The following PUM2 variants were observed in gnomAD, a reference collection of about 807,000 sequenced individuals.
PUM2 encodes pumilio RNA binding family member 2.
In PUM2, 57 loss-of-function variants were observed where a neutral mutation model predicts 124.5. The ratio of observed to expected loss-of-function variants is 0.46; its 90% confidence interval spans 0.37 to 0.57. PUM2 has a LOEUF of 0.57. Among genes scored for constraint, PUM2 ranks in the 20% least tolerant of loss-of-function variants. The pLI is 0.00. For synonymous variants in PUM2, 460 were observed against 446.1 expected (o/e 1.03, Z -0.39); for missense variants, 1,065 against 1,290.6 (o/e 0.83, Z 2.68).
At chr2:20,327,769 AAATTCCTTTAAG>A (rs1264293226) in intron 1 of PUM2, among the ~76,000 whole-genome samples, 1 of 152,178 alleles carries the variant, frequency 6.6e-6, no homozygotes, top group East Asian at 1.9e-4. Context: ...TAGGGTCCTT[AAATTCCTTTAAG>A]AATCCAGCCT....
intron 13 of PUM2, among the ~76,000 whole-genome samples, chr2:20,276,258 CTTT>C (rs36031998): frequency 2.1e-5 from 3 of 143,244 alleles, no homozygotes; most frequent in Admixed American, 7.0e-5. Context: ...AAAATGAAAA[CTTT>C]TTTTTTTTTT....
rs200833816 is a variant in PUM2, at chr2:20,339,777, G to A, written c.-19+10820C>T. 5.3e-5 allele frequency among the ~76,000 whole-genome samples: 8 copies of A among 152,314 alleles called. No individual in the cohort carries two copies. In the East Asian group the frequency reaches 1.5e-3, roughly 29 times the overall value. On this transcript the variant is annotated intron_variant, in intron 1 of 20. Coordinates refer to ENST00000361078, the MANE Select transcript of PUM2 (RefSeq NM_015317.5). ...CGCCTGTAATCCCATCCTCTTGGGAGGCTGAAGCAGGAGAATCACTTGAAC... is the reference window on the plus strand; with the variant it reads ...CGCCTGTAATCCCATCCTCTTGGGAAGCTGAAGCAGGAGAATCACTTGAAC...
chr2:20,339,990 TAA>T (rs370989174), intron 1 of PUM2, among the ~76,000 whole-genome samples: 1 of 145,078 alleles, frequency 6.9e-6, no homozygotes. Flanking sequence ...TTCCTCAATG[TAA>T]AAAAAAAAAC....
chr2:20,278,066 AAAG>A (rs1469570159), intron 13 of PUM2, among the ~76,000 whole-genome samples: 1 of 152,192 alleles, frequency 6.6e-6, no homozygotes, highest in African/African-American at 2.4e-5. Context: ...CATATCCAAA[AAAG>A]AAGTATATGG....
intron 2 of PUM2, among the ~76,000 whole-genome samples, chr2:20,326,984 T>C (rs1192541822): frequency 6.6e-6 from 1 of 152,050 alleles, no homozygotes; most frequent in East Asian, 1.9e-4. Context: ...AAACACAGCA[T>C]ACATATATAA....
At position 20,313,740 on chromosome 2, in the gene PUM2, G is replaced by C. The variant is rs139988378; in HGVS notation, c.161-1317C>G. 6.2e-3 allele frequency among the ~76,000 whole-genome samples: 938 copies of C among 151,424 alleles called. 12 individuals carry two copies. The highest frequency in any genetic ancestry group is 0.021 in the African/African-American group (876 of 41,226). On this transcript the variant is annotated intron_variant, in intron 3 of 20. Coordinates refer to ENST00000361078, the MANE Select transcript of PUM2 (RefSeq NM_015317.5). ...AGCTACTCAGGAGGTGAGAGCTGAG[G>C]GGGGAAGATTACTTGAACTCAGGAG...
chr2:20,327,412 G>T (rs747990376), intron 1 of PUM2, 34 bp from the exon 2 acceptor site: 51 of 1,336,150 alleles, frequency 3.8e-5, no homozygotes, highest in Middle Eastern at 3.7e-4. Context: ...TTAGTACAAA[G>T]AAATGTTTAA....
At position 20,253,079 on chromosome 2, in the gene PUM2, T is replaced by C. The variant is rs184357127; in HGVS notation, c.3063+743A>G. On this transcript the variant is annotated intron_variant, in intron 20 of 20. Transcript: ENST00000361078. The stretch of plus-strand genomic sequence containing the variant: ...GAATTTTGGCACAGGAGTGGGTGGG[T>C]CCTGCAACCAATCCCCCAGTTACTG... Among the ~76,000 whole-genome samples the C allele has an allele frequency of 1.1e-3, 167 of 152,282 alleles. No individual in the cohort carries two copies. In the Middle Eastern group the frequency reaches 0.02, roughly 19 times the overall value.
chr2:20,301,266 T>G (rs888818280), intron 7 of PUM2, among the ~76,000 whole-genome samples: 7 of 152,238 alleles, frequency 4.6e-5, no homozygotes, highest in Non-Finnish European at 1.0e-4. Flanking sequence ...ATCTTTTGGT[T>G]TGCAACTTCA....
In PUM2 at chr2:20,254,991, C is replaced by CA. The variant is rs750907482; in HGVS notation, c.2749-8dup. ...CATAATTGCCATACTGATCCTAAGA[C>CA]AGATATTTAAAAATTACTTTCCCTA... On this transcript the variant is annotated splice_polypyrimidine_tract_variant and splice_region_variant and intron_variant, in intron 18 of 20. Coordinates refer to ENST00000361078, the MANE Select transcript of PUM2 (RefSeq NM_015317.5). The CA allele has an allele frequency of 2.6e-5, 41 of 1,603,484 alleles. No individual in the cohort carries two copies. Among genetic ancestry groups the CA allele is most frequent in the Non-Finnish European group, 3.5e-5 (41 of 1,176,158 alleles).
upstream of PUM2, among the ~76,000 whole-genome samples, chr2:20,351,245 CCGTGGGGT>C (rs535676258): frequency 2.0e-5 from 3 of 152,394 alleles, no homozygotes; most frequent in African/African-American, 7.2e-5. Flanking sequence ...GCGCCGCCCA[CCGTGGGGT>C]ACTCCTGGCA....
intron 5 of PUM2, 103 bp from the exon 6 acceptor site, chr2:20,308,687 A>C: frequency 8.6e-7 from 1 of 1,158,854 alleles, no homozygotes; most frequent in Non-Finnish European, 1.2e-6. Flanking sequence ...ATAAAACACA[A>C]TGAATAAGGC....
intron 12 of PUM2, among the ~76,000 whole-genome samples, chr2:20,281,257 T>C (rs1671452252): frequency 1.3e-5 from 2 of 152,128 alleles, no homozygotes; most frequent in Non-Finnish European, 2.9e-5. Context: ...AAGTAAGCCA[T>C]GCTTGTAAAT....
At chr2:20,342,845 T>A (rs1687488093) in intron 1 of PUM2, among the ~76,000 whole-genome samples, 1 of 152,200 alleles carries the variant, frequency 6.6e-6, no homozygotes, top group Non-Finnish European at 1.5e-5. Flanking sequence ...GCCAATTTCC[T>A]AAAGATACTT....
chr2:20,278,995 T>A (rs1670902671), intron 12 of PUM2, among the ~76,000 whole-genome samples, 176 bp from the exon 13 acceptor site: 1 of 152,102 alleles, frequency 6.6e-6, no homozygotes, highest in Non-Finnish European at 1.5e-5. Context: ...TAAAAGGGTA[T>A]AAATGCACCC....
intron 1 of PUM2, among the ~76,000 whole-genome samples, chr2:20,343,357 CCACTCCAGCCTGGGTGACACCACTG>C (rs1687599993): frequency 1.3e-5 from 2 of 152,024 alleles, no homozygotes; most frequent in Admixed American, 6.6e-5. Context: ...TCACACCACT[CCACTCCAGCCTGGGTGACACCACTG>C]CACTCCAGCC....
chr2:20,333,292 A>C (rs1415291287), intron 1 of PUM2, among the ~76,000 whole-genome samples: 2 of 152,178 alleles, frequency 1.3e-5, no homozygotes, highest in African/African-American at 4.8e-5. Flanking sequence ...CTAACACATT[A>C]TTGAGGCTAT....
Position 20,251,556 on chromosome 2 carries a change from A to T in PUM2, c.*29T>A. ...CAAAAAAATTCTTTTCACATGGTTA[A>T]ATTATCTTCTTTCTCTTGCTCCTGT... is the stretch of plus-strand genomic sequence containing the variant. On this transcript the variant is annotated 3_prime_UTR_variant, in exon 21 of 21. Coordinates refer to ENST00000361078, the MANE Select transcript of PUM2 (RefSeq NM_015317.5). 1.9e-6 allele frequency: 3 copies of T among 1,594,190 alleles called. No individual in the cohort carries two copies. In the African/African-American group the frequency reaches 4.0e-5, roughly 21 times the overall value.
intron 20 of PUM2, among the ~76,000 whole-genome samples, chr2:20,253,253 T>A (rs1222789702): frequency 1.3e-5 from 2 of 152,228 alleles, no homozygotes; most frequent in East Asian, 3.8e-4. Context: ...TTGCCCAGAC[T>A]GGAGTGCACT....
Sources: gnomAD v4.1 joint callset for allele counts (sites outside exome capture counted in the v4.1 genomes callset) on GRCh38, gnomAD v4.1.1 for gene constraint, MANE v1.5 for transcripts, NCBI Gene and HGNC (gene_info 2026-07-23, HGNC 2026-07-21) for gene names.